The following RASSF2 variants were observed in gnomAD, a reference collection of about 807,000 sequenced individuals.
RASSF2 encodes the protein ras association domain-containing protein 2.
In RASSF2, 34 loss-of-function variants were observed where a neutral mutation model predicts 46.3. The observed-to-expected ratio is 0.73, with a 90% confidence interval of 0.56 to 0.98. RASSF2 has a LOEUF of 0.98. Among genes scored for constraint, RASSF2 ranks in the 50% least tolerant of loss-of-function variants. The pLI is 0.00. For missense variants in RASSF2, 364 were observed against 431.2 expected (o/e 0.84, Z 1.38); for synonymous variants, 158 against 162.5 (o/e 0.97, Z 0.21).
intron 2 of RASSF2, among the ~76,000 whole-genome samples, chr20:4,807,534 T>C (rs1342507716): frequency 6.6e-6 from 1 of 152,156 alleles, no homozygotes; most frequent in African/African-American, 2.4e-5. Flanking sequence ...TACAAGTAAT[T>C]AATAAATCCA....
intron 1 of RASSF2, among the ~76,000 whole-genome samples, 179 bp from the exon 2 acceptor site, chr20:4,822,582 A>G (rs1928772195): frequency 6.6e-6 from 1 of 152,228 alleles, no homozygotes; most frequent in Non-Finnish European, 1.5e-5. Flanking sequence ...TCCGACTTAG[A>G]GCTGAATGCA....
chr20:4,816,846 G>C (rs1171831907), intron 2 of RASSF2, among the ~76,000 whole-genome samples: 1 of 152,174 alleles, frequency 6.6e-6, no homozygotes, highest in African/African-American at 2.4e-5. Context: ...GCTCACACCT[G>C]TAATCCCAGC....
chr20:4,790,450 C>A lies in RASSF2; in HGVS notation c.537+1G>T. On this transcript the variant is annotated splice_donor_variant, in intron 7 of 11. Coordinates refer to ENST00000379400, the MANE Select transcript of RASSF2 (RefSeq NM_014737.3). LOFTEE classifies it high-confidence loss of function. This position sits in a 1 kb window ranked among gnomAD's most constrained non-coding sequence, Gnocchi z 4.3. ...CCTCCCCGTCCCCCTGTCCACCTTACCTTATGGTTGTAGAAATGGCCGTTG... is the reference window on the plus strand; with the variant it reads ...CCTCCCCGTCCCCCTGTCCACCTTAACTTATGGTTGTAGAAATGGCCGTTG... 6.8e-7 allele frequency: 1 copy of A among 1,471,488 alleles called. No individual in the cohort carries two copies. 91.2% of individuals were successfully genotyped at this position (1,471,488 alleles called of 1,614,324 possible).
intron 9 of RASSF2, 143 bp from the exon 10 acceptor site, chr20:4,787,897 T>C: frequency 9.3e-7 from 1 of 1,075,416 alleles, no homozygotes; most frequent in Admixed American, 2.4e-5. Flanking sequence ...TCCATAGGTG[T>C]TGTGAAAAGC....
At chr20:4,822,202 G>T (rs931321953) in intron 2 of RASSF2, 127 bp downstream of exon 2, 2 of 152,218 alleles carry the variant, frequency 1.3e-5, no homozygotes, top group Non-Finnish European at 2.9e-5. Flanking sequence ...AAGAATCATT[G>T]TTTCTAATTC....
At chr20:4,792,691 C>A in intron 5 of RASSF2, 64 bp from the exon 6 acceptor site, 1 of 1,561,278 alleles carries the variant, frequency 6.4e-7, no homozygotes, top group Non-Finnish European at 8.7e-7. Context: ...GAGACGCCCC[C>A]GCACCCGCTG....
chr20:4,797,350 T>C (rs1360043640), intron 4 of RASSF2, among the ~76,000 whole-genome samples: 1 of 152,218 alleles, frequency 6.6e-6, no homozygotes, highest in African/African-American at 2.4e-5. Context: ...CTTGATAACC[T>C]GAAAATGTGT....
chr20:4,819,970 A>T (rs538587334), intron 2 of RASSF2, among the ~76,000 whole-genome samples: 2 of 152,346 alleles, frequency 1.3e-5, no homozygotes, highest in East Asian at 3.9e-4. Context: ...CACCGCAAAC[A>T]GCAGCATCAA....
chr20:4,809,519 C>T (rs544432099), intron 2 of RASSF2, among the ~76,000 whole-genome samples: 17 of 152,276 alleles, frequency 1.1e-4, no homozygotes, highest in African/African-American at 4.1e-4. Context: ...TGGTGTTTCT[C>T]TCCCCTCCTG....
chr20:4,797,142 T>C (rs1926419119), intron 4 of RASSF2, among the ~76,000 whole-genome samples: 2 of 152,194 alleles, frequency 1.3e-5, no homozygotes, highest in South Asian at 4.2e-4. Context: ...TTACATGGCC[T>C]TCCCCTGGTC....
rs1927128376 is a variant in RASSF2 at position 4,803,985 on chromosome 20, G to C, written c.-32-2923C>G. ...AGGCAGGAGGATAAATTGGGCCCGG[G>C]AGGCCAAGGCTGCAGTGAGCCACAA... On this transcript the variant is annotated intron_variant, in intron 2 of 11. Transcript: ENST00000379400. Among the ~76,000 whole-genome samples, 5 of 152,016 alleles carry C rather than the reference G, an allele frequency of 3.3e-5. 1 individual carries two copies. Among genetic ancestry groups the C allele is most frequent in the Admixed American group, 3.3e-4 (5 of 15,258 alleles).
Position 4,795,551 on chromosome 20 carries a change from CTGACTCAGCAGCTCCCCTCGTA to C in RASSF2, c.287+242_287+263del, listed in dbSNP as rs1568568760. ...CCTGAGTTCTCCCTAAGGGAGGACT[CTGACTCAGCAGCTCCCCTCGTA>C]TGACTCAGCAGCTCCCCTCCTGTGA... On this transcript the variant is annotated intron_variant, in intron 5 of 11. Coordinates refer to ENST00000379400, the MANE Select transcript of RASSF2 (RefSeq NM_014737.3). This position sits in a 1 kb window ranked among gnomAD's most constrained non-coding sequence, Gnocchi z 4.0. 1.4e-5 allele frequency: 5 copies of C among 365,120 alleles called. No individual in the cohort carries two copies. Among genetic ancestry groups the C allele is most frequent in the Non-Finnish European group, 2.0e-5 (4 of 200,694 alleles). The allele number at this position is 365,120 out of a possible 1,614,324, so 22.6% of individuals were successfully genotyped here. A position where few individuals can be genotyped will look rare whatever the true frequency, so the allele number is the denominator to read the frequency against.
chr20:4,818,307 C>T (rs1928453859), intron 2 of RASSF2, among the ~76,000 whole-genome samples: 1 of 152,044 alleles, frequency 6.6e-6, no homozygotes, highest in Non-Finnish European at 1.5e-5. Context: ...ACTAAATGCA[C>T]CCCAGAAGTG....
At chr20:4,817,388 C>G (rs1426054375) in intron 2 of RASSF2, among the ~76,000 whole-genome samples, 1 of 152,148 alleles carries the variant, frequency 6.6e-6, no homozygotes, top group African/African-American at 2.4e-5. Context: ...GGGTTGTCAA[C>G]AGAGCATTAA....
intron 8 of RASSF2, among the ~76,000 whole-genome samples, 175 bp from the exon 9 acceptor site, chr20:4,788,443 T>C (rs1235600077): frequency 6.6e-6 from 1 of 152,238 alleles, no homozygotes; most frequent in African/African-American, 2.4e-5. Flanking sequence ...CAGATGACTT[T>C]ATCAATAATA....
rs551695715 is a variant in RASSF2, at chr20:4,798,099, A to G, written c.60-14T>C. ...AGAAGTTCATTTCTTAGGGGGAAAA[A>G]TAGAAGAGATATAACATTATCAGCT... On this transcript the variant is annotated splice_polypyrimidine_tract_variant and intron_variant, in intron 3 of 11. Transcript: ENST00000379400. 2.5e-6 allele frequency: 4 copies of G among 1,613,348 alleles called. No individual in the cohort carries two copies. The African/African-American group carries it at 4.0e-5, about 16-fold the overall frequency.
chr20:4,801,319 G>A (rs1926847337), intron 2 of RASSF2, among the ~76,000 whole-genome samples: 1 of 152,188 alleles, frequency 6.6e-6, no homozygotes, highest in South Asian at 2.1e-4. Flanking sequence ...AAATGCCCCA[G>A]CCACAGAGCA....
At chr20:4,786,600 G>A (rs1481535822) in intron 10 of RASSF2, among the ~76,000 whole-genome samples, 3 of 152,174 alleles carry the variant, frequency 2.0e-5, no homozygotes, top group African/African-American at 7.2e-5. Context: ...ACACAGAAAA[G>A]TACTTTCTTT....
chr20:4,784,557 A>C (rs1925123819), intron 11 of RASSF2, among the ~76,000 whole-genome samples: 2 of 143,012 alleles, frequency 1.4e-5, no homozygotes, highest in Admixed American at 7.4e-5. Context: ...GCCAAATCCA[A>C]ATTAGATTAT....
Sources: gnomAD v4.1 joint callset for allele counts (sites outside exome capture counted in the v4.1 genomes callset) on GRCh38, gnomAD v4.1.1 for gene constraint, Gnocchi (gnomAD v3.1) non-coding constraint, MANE v1.5 for transcripts, NCBI Gene and HGNC (gene_info 2026-07-23, HGNC 2026-07-21) for gene names.